ST3GAL3: variants seen among roughly 807,000 people sequenced by gnomAD.
The protein encoded by ST3GAL3 is ST3 beta-galactoside alpha-2,3-sialyltransferase 3.
ST3GAL3 carries 21 observed loss-of-function variants against 50.1 expected under a neutral mutation model. The ratio of observed to expected loss-of-function variants is 0.42; its 90% CI spans 0.30 to 0.60. The LOEUF is 0.60. ST3GAL3 is among the 20% of genes least tolerant of loss of function. The pLI is 0.19. For missense variants in ST3GAL3, 353 were observed against 489.4 expected (o/e 0.72, Z 2.63); for synonymous variants, 183 against 190.0 (o/e 0.96, Z 0.30).
intron 5 of ST3GAL3, among the ~76,000 whole-genome samples, chr1:43,873,134 T>C (rs1325765519): frequency 1.3e-5 from 2 of 152,156 alleles, no homozygotes; most frequent in Non-Finnish European, 2.9e-5. Flanking sequence ...GCTGCCTTGA[T>C]GAGAATAGAC....
At chr1:43,897,779 G>T (rs1237878969) in intron 6 of ST3GAL3, among the ~76,000 whole-genome samples, 1 of 152,216 alleles carries the variant, frequency 6.6e-6, no homozygotes, top group Non-Finnish European at 1.5e-5. Context: ...CTCTTCAGTT[G>T]CTGGGTGTCT....
chr1:43,857,571 CT>C (rs1428891921), intron 5 of ST3GAL3, among the ~76,000 whole-genome samples: 37 of 88,064 alleles, frequency 4.2e-4, no homozygotes, highest in African/African-American at 6.9e-4. Flanking sequence ...TTCCTTCTTT[CT>C]TTCCTTCCTC....
chr1:43,876,941 G>A (rs894005410), intron 5 of ST3GAL3, among the ~76,000 whole-genome samples: 4 of 152,294 alleles, frequency 2.6e-5, no homozygotes, highest in South Asian at 4.1e-4. Flanking sequence ...ACCTCAGCTC[G>A]CCCAGGAGGC....
intron 2 of ST3GAL3, among the ~76,000 whole-genome samples, chr1:43,771,450 G>A (rs1476509377): frequency 6.6e-6 from 1 of 151,334 alleles, no homozygotes; most frequent in Non-Finnish European, 1.5e-5. Flanking sequence ...CTCCGCCCCC[G>A]GGGTTCACAC....
At position 43,920,550 on chromosome 1, in the gene ST3GAL3, G is replaced by A. The variant is rs114877899; in HGVS notation, c.891G>A (p.Gly297=). 2.5e-6 allele frequency: 4 copies of A among 1,613,884 alleles called. No homozygotes were observed. In the African/African-American group the frequency reaches 5.3e-5, roughly 22 times the overall value. ...LPFNNGLMGR[G]NIPTLGSVAV... is the part of the protein sequence containing the mutation. ...TCAACAATGGCCTCATGGGCCGGGGGGTGAGATATCTGGGCCCTGGGAGAG... is the reference window on the plus strand; with the variant it reads ...TCAACAATGGCCTCATGGGCCGGGGAGTGAGATATCTGGGCCCTGGGAGAG... The change falls in exon 10 of 12, where the codon GGG becomes GGA. Residue 297 remains glycine, a splice_region_variant and synonymous_variant. Coordinates refer to ENST00000347631, the MANE Select transcript of ST3GAL3 (RefSeq NM_006279.5).
intron 9 of ST3GAL3, among the ~76,000 whole-genome samples, chr1:43,910,943 T>G (rs1041264424): frequency 3.3e-5 from 5 of 152,140 alleles, no homozygotes; most frequent in African/African-American, 1.2e-4. Context: ...CAGGTCCATC[T>G]GCCTTGAGAG....
intron 5 of ST3GAL3, among the ~76,000 whole-genome samples, chr1:43,886,152 G>A (rs772604677): frequency 4.6e-5 from 7 of 152,198 alleles, no homozygotes; most frequent in Middle Eastern, 3.2e-3. Flanking sequence ...AGGCCGAGGC[G>A]GGCAGATCAC....
chr1:43,897,209 G>A (rs1273095336), intron 6 of ST3GAL3, among the ~76,000 whole-genome samples: 1 of 151,854 alleles, frequency 6.6e-6, no homozygotes, highest in Non-Finnish European at 1.5e-5. Context: ...AACGCTCCAC[G>A]CCTAGGAGCA....
chr1:43,791,542 G>C (rs748303680), intron 2 of ST3GAL3, among the ~76,000 whole-genome samples: 1 of 152,186 alleles, frequency 6.6e-6, no homozygotes, highest in Non-Finnish European at 1.5e-5. Context: ...CGGTGTTTGC[G>C]TAGGTACTCA....
chr1:43,919,198 C>A (rs1318019884), intron 9 of ST3GAL3: 1 of 151,146 alleles, frequency 6.6e-6, no homozygotes, highest in Non-Finnish European at 1.5e-5. Flanking sequence ...CTGCCTCAGC[C>A]TCCCAAGTAG....
intron 2 of ST3GAL3, among the ~76,000 whole-genome samples, chr1:43,759,058 A>AGC (rs550891277): frequency 0.088 from 10,001 of 113,552 alleles, 382 homozygotes; most frequent in Non-Finnish European, 0.11. Flanking sequence ...AACAAACAAA[A>AGC]GCGCGCGCAC....
intron 4 of ST3GAL3, among the ~76,000 whole-genome samples, chr1:43,826,318 A>G (rs2062796000): frequency 6.6e-6 from 1 of 152,204 alleles, no homozygotes; most frequent in South Asian, 2.1e-4. Context: ...CACAAATCTG[A>G]TAACTTAGAT....
At chr1:43,810,391 C>T (rs3791059) in intron 3 of ST3GAL3, among the ~76,000 whole-genome samples, 56,310 of 151,768 alleles carry the variant, frequency 0.37, 11,194 homozygotes, top group East Asian at 0.59. Context: ...GAGGTAGAGA[C>T]GGGTAGGCCG....
At chr1:43,780,058 C>T (rs182981842) in intron 2 of ST3GAL3, among the ~76,000 whole-genome samples, 77 of 152,092 alleles carry the variant, frequency 5.1e-4, no homozygotes, top group African/African-American at 1.6e-3. Flanking sequence ...TTCCTGGGCC[C>T]CATATTTTTT....
intron 3 of ST3GAL3, among the ~76,000 whole-genome samples, chr1:43,797,038 A>G (rs745307199): frequency 1.3e-5 from 2 of 152,138 alleles, no homozygotes; most frequent in Non-Finnish European, 2.9e-5. Context: ...AAAGAAGAAT[A>G]TTAGCCAGGC....
intron 3 of ST3GAL3, chr1:43,801,178 C>A (rs770623811): frequency 7.4e-6 from 3 of 404,906 alleles, no homozygotes; most frequent in Non-Finnish European, 1.5e-5. Context: ...CATAAAATAC[C>A]AAACTTTATA....
chr1:43,894,337 A>G (rs1185018141), intron 5 of ST3GAL3, 46 bp from the exon 6 acceptor site: 5 of 1,588,956 alleles, frequency 3.1e-6, no homozygotes, highest in Non-Finnish European at 4.3e-6. Context: ...CCAGTAATCC[A>G]GACTGTTGCG....
Position 43,758,172 on chromosome 1 carries a change from CCA to C in ST3GAL3, c.118+21793_118+21794del, listed in dbSNP as rs780036342. The stretch of plus-strand genomic sequence containing the variant: ...CATTGGCTGCATACCACCCCCCCCC[CCA>C]AAAAAAAGGCAGTATCATCCAATCA... On this transcript the variant is annotated intron_variant, in intron 2 of 11. Transcript: ENST00000347631. Among the ~76,000 whole-genome samples the C allele has an allele frequency of 3.6e-3, 486 of 136,618 alleles. 2 individuals are homozygous for C. Among genetic ancestry groups the C allele is most frequent in the East Asian group, 0.01 (40 of 3,818 alleles). 89.6% of individuals were successfully genotyped at this position (136,618 alleles called of 152,430 possible).
chr1:43,926,724 G>A (rs943115046), intron 11 of ST3GAL3, among the ~76,000 whole-genome samples: 6 of 152,126 alleles, frequency 3.9e-5, no homozygotes, highest in Admixed American at 3.3e-4. Context: ...TCCACCAGCC[G>A]CGGCCAGTTC....
Sources: allele counts gnomAD v4.1 joint callset (sites outside exome capture counted in the v4.1 genomes callset), GRCh38; gene constraint gnomAD v4.1.1; transcripts MANE v1.5; gene names NCBI Gene and HGNC (gene_info 2026-07-23, HGNC 2026-07-21).